Variants in FAM184B observed in about 807,000 individuals in gnomAD.
The protein encoded by FAM184B is family with sequence similarity 184 member B.
Under a neutral mutation model 135.9 loss-of-function variants are expected in FAM184B, and 111 were observed. The observed-to-expected ratio is 0.82, with a 90% confidence interval of 0.70 to 0.96. FAM184B has a LOEUF of 0.96. Among genes scored for constraint, FAM184B ranks in the 40% least tolerant of loss-of-function variants. The pLI is 0.00. For synonymous variants in FAM184B, 552 were observed against 524.8 expected (o/e 1.05, Z -0.71); for missense variants, 1,375 against 1,323.9 (o/e 1.04, Z -0.60).
intron 13 of FAM184B, among the ~76,000 whole-genome samples, chr4:17,641,376 C>A (rs991357193): frequency 6.6e-6 from 1 of 151,200 alleles, no homozygotes; most frequent in African/African-American, 2.4e-5. Context: ...ACACCGTCTC[C>A]GTAAGGTTGG....
intron 5 of FAM184B, among the ~76,000 whole-genome samples, chr4:17,703,502 A>AT (rs1462959496): frequency 6.6e-6 from 1 of 151,830 alleles, no homozygotes; most frequent in East Asian, 1.9e-4. Context: ...TGTCTCAAAA[A>AT]AAAACAAAAA....
chr4:17,664,661 T>C lies in FAM184B; in HGVS notation c.1597-2A>G. The C allele has an allele frequency of 6.6e-7, 1 of 1,519,284 alleles. No homozygotes were observed. Among genetic ancestry groups the C allele is most frequent in the Non-Finnish European group, 8.8e-7 (1 of 1,134,622 alleles). The allele number at this position is 1,519,284 out of a possible 1,614,324, so 94.1% of individuals were successfully genotyped here. A position where few individuals can be genotyped will look rare whatever the true frequency, so the allele number is the denominator to read the frequency against. On this transcript the variant is annotated splice_acceptor_variant, in intron 7 of 17. Transcript: ENST00000265018. LOFTEE classifies it high-confidence loss of function. ...TTCATCCAGCTTCAAGCATGGATCC[T>C]AAGGCCAAAAAAGAAAAAGAAAAAA...
At chr4:17,775,436 C>T (rs1444680510) in intron 1 of FAM184B, among the ~76,000 whole-genome samples, 19 of 152,166 alleles carry the variant, frequency 1.2e-4, no homozygotes, top group Admixed American at 6.5e-4. Flanking sequence ...CTGCCCGCCT[C>T]GGCCTCCCAA....
Position 17,658,527 on chromosome 4 carries a change from G to A in FAM184B, c.1860C>T (p.Thr620=). ...CCTGCAGGTCCTCCCTGTAGTTGCT[G>A]GTGCACTGCTCCAGAGCCTGCTGCA... ...SQMQQALEQC[T]SNYREDLQAL... The change falls in exon 10 of 18, where the codon ACC becomes ACT. Residue 620 remains threonine, a synonymous_variant. Coordinates refer to ENST00000265018, the MANE Select transcript of FAM184B (RefSeq NM_015688.2). The A allele has an allele frequency of 6.4e-7, 1 of 1,551,350 alleles. No individual in the cohort carries two copies. Among genetic ancestry groups the A allele is most frequent in the African/African-American group, 1.4e-5 (1 of 73,158 alleles).
intron 13 of FAM184B, among the ~76,000 whole-genome samples, chr4:17,641,610 CTG>C (rs1480256792): frequency 7.5e-6 from 1 of 132,698 alleles, no homozygotes; most frequent in African/African-American, 2.9e-5. Flanking sequence ...TCCCGAATAA[CTG>C]GGATTACAGG....
intron 5 of FAM184B, among the ~76,000 whole-genome samples, chr4:17,703,429 T>C (rs1717033119): frequency 6.6e-6 from 1 of 151,774 alleles, no homozygotes; most frequent in African/African-American, 2.4e-5. Flanking sequence ...GCCCAGGAGG[T>C]TGAGGCTGCA....
intron 1 of FAM184B, among the ~76,000 whole-genome samples, chr4:17,737,245 C>T (rs994864233): frequency 1.3e-5 from 2 of 152,040 alleles, no homozygotes; most frequent in African/African-American, 4.8e-5. Context: ...AAATTTATAC[C>T]AGCTGTGTTA....
chr4:17,768,610 T>A (rs1456178661), intron 1 of FAM184B, among the ~76,000 whole-genome samples: 1 of 151,910 alleles, frequency 6.6e-6, no homozygotes, highest in African/African-American at 2.4e-5. Flanking sequence ...TAATATTGTG[T>A]ATGTGTTAGT....
At chr4:17,722,466 G>A (rs1271931431) in intron 1 of FAM184B, among the ~76,000 whole-genome samples, 3 of 152,292 alleles carry the variant, frequency 2.0e-5, no homozygotes, top group East Asian at 1.9e-4. Context: ...GATCCAAAAC[G>A]CTAATTAAAA....
chr4:17,704,526 T>A (rs944648024), intron 5 of FAM184B, among the ~76,000 whole-genome samples: 4 of 152,180 alleles, frequency 2.6e-5, no homozygotes, highest in African/African-American at 9.7e-5. Context: ...ATTGTCATCC[T>A]CCATTTTACA....
intron 15 of FAM184B, 103 bp from the exon 16 acceptor site, chr4:17,635,216 A>G: frequency 1.2e-6 from 1 of 823,598 alleles, no homozygotes; most frequent in South Asian, 1.7e-5. Context: ...AGGAAAGTCC[A>G]GGGGAGGAAG....
At chr4:17,650,403 T>C (rs1415676377) in intron 11 of FAM184B, among the ~76,000 whole-genome samples, 1 of 152,218 alleles carries the variant, frequency 6.6e-6, no homozygotes, top group Non-Finnish European at 1.5e-5. Flanking sequence ...TTTGTTGTCA[T>C]CACAGAGTCC....
intron 1 of FAM184B, among the ~76,000 whole-genome samples, chr4:17,739,168 C>T (rs16895598): frequency 0.032 from 4,849 of 152,286 alleles, 166 homozygotes; most frequent in African/African-American, 0.085. Context: ...ATTCACCTCA[C>T]TTGACCCACA....
rs143228362 is a variant in FAM184B, at chr4:17,655,689, C to T, written c.2037+2661G>A. ...TGCCTTTTCCCCTAGAGGTAAGCTACGTAAGGACACATAGTGTAGTGATCA... is the reference window on the plus strand; with the variant it reads ...TGCCTTTTCCCCTAGAGGTAAGCTATGTAAGGACACATAGTGTAGTGATCA... On this transcript the variant is annotated intron_variant, in intron 10 of 17. Transcript: ENST00000265018. Among the ~76,000 whole-genome samples the T allele has an allele frequency of 2.6e-3, 403 of 152,302 alleles. 2 individuals are homozygous for T. The highest frequency in any genetic ancestry group is 0.016 in the South Asian group (77 of 4,828).
Position 17,693,299 on chromosome 4 carries a change from C to A in FAM184B, c.1488+3G>T, listed in dbSNP as rs978562736. Reference sequence around the variant, plus strand: ...CCAAGGCTTGCATTTGGTCAGGGCTCACCTCAAGCAGAGAATTCTGAAGCT... The same window carrying A: ...CCAAGGCTTGCATTTGGTCAGGGCTAACCTCAAGCAGAGAATTCTGAAGCT... On this transcript the variant is annotated splice_donor_region_variant and intron_variant, in intron 6 of 17. Transcript: ENST00000265018. 1.0e-5 allele frequency: 16 copies of A among 1,548,870 alleles called. No homozygotes were observed. In the African/African-American group the frequency reaches 1.8e-4, roughly 17 times the overall value.
At position 17,651,537 on chromosome 4, in the gene FAM184B, CAAAAAA is replaced by C. The variant is rs751455835; in HGVS notation, c.2191+1287_2191+1292del. 4.6e-4 allele frequency among the ~76,000 whole-genome samples: 20 copies of C among 43,118 alleles called. No homozygotes were observed. The South Asian group carries it at 5.3e-3, about 12-fold the overall frequency. The allele number at this position is 43,118 out of a possible 152,430, so 28.3% of individuals were successfully genotyped here. A position where few individuals can be genotyped will look rare whatever the true frequency, so the allele number is the denominator to read the frequency against. ...TGGGCGACAGAGCAAGACTCTGTCT[CAAAAAA>C]AAAAAAAAAAAAAAAAAAAAGAAGA... On this transcript the variant is annotated intron_variant, in intron 11 of 17. Coordinates refer to ENST00000265018, the MANE Select transcript of FAM184B (RefSeq NM_015688.2).
At chr4:17,730,533 C>A (rs974732314) in intron 1 of FAM184B, among the ~76,000 whole-genome samples, 8 of 152,132 alleles carry the variant, frequency 5.3e-5, no homozygotes, top group African/African-American at 1.9e-4. Context: ...AGGTTACCCA[C>A]AAAGGGAAGC....
At chr4:17,660,297 TCTGTTTAGCAGGAACCGCCTGATAG>T (rs1322307414) in intron 8 of FAM184B, among the ~76,000 whole-genome samples, 65 of 152,162 alleles carry the variant, frequency 4.3e-4, no homozygotes, top group African/African-American at 1.5e-3. Flanking sequence ...CCACCTGATA[TCTGTTTAGCAGGAACCGCCTGATAG>T]CTGTTTAGCA....
At chr4:17,700,493 T>C (rs1381287983) in intron 5 of FAM184B, among the ~76,000 whole-genome samples, 2 of 152,134 alleles carry the variant, frequency 1.3e-5, no homozygotes, top group African/African-American at 4.8e-5. Context: ...TCAATTTACA[T>C]GAAACAAAAA....
Sources: gnomAD v4.1 joint callset for allele counts (sites outside exome capture counted in the v4.1 genomes callset) on GRCh38, gnomAD v4.1.1 for gene constraint, MANE v1.5 for transcripts, NCBI Gene and HGNC (gene_info 2026-07-23, HGNC 2026-07-21) for gene names.